Variants in PUDP observed in about 807,000 individuals in gnomAD.
PUDP encodes the protein pseudouridine-5'-phosphatase.
In PUDP, 8 loss-of-function variants were observed where a neutral mutation model predicts 9.4. The ratio of observed to expected loss-of-function variants is 0.85; its 90% confidence interval spans 0.50 to 1.53. The LOEUF (loss-of-function observed/expected upper bound fraction) is 1.53. PUDP is among the 40% of genes most tolerant of loss of function. The pLI, the probability that PUDP is intolerant of heterozygous loss-of-function variation, is 0.00. For synonymous variants in PUDP, 99 were observed against 80.7 expected (o/e 1.23, Z -1.22); for missense variants, 188 against 189.7 (o/e 0.99, Z 0.05).
At position 7,049,949 on chromosome X, in the gene PUDP, T is replaced by C. The variant is rs762712679; in HGVS notation, c.*347A>G. On this transcript the variant is annotated 3_prime_UTR_variant, in exon 4 of 4. Coordinates refer to ENST00000381077, the MANE Select transcript of PUDP (RefSeq NM_012080.5). ...CATATGCATGTAATGCCTACCTGCA[T>C]ATTACCAAACTGATACACACATGTA... 5.9e-6 allele frequency: 1 copy of C among 170,086 alleles called. No individual in the cohort carries two copies. The highest frequency in any genetic ancestry group is 1.1e-5 in the Non-Finnish European group (1 of 91,065). The allele number at this position is 170,086 out of a possible 1,213,427, so 14.0% of individuals were successfully genotyped here.
At chrX:6,859,489 A>G (rs1251728651) in intron 3 of PUDP, among the ~76,000 whole-genome samples, 1 of 108,791 alleles carries the variant, frequency 9.2e-6, no homozygotes, top group Non-Finnish European at 1.9e-5. Context: ...CAGTTTTGAA[A>G]GGCCACAAGA....
intron 3 of PUDP, among the ~76,000 whole-genome samples, chrX:6,833,258 G>T (rs1926531665): frequency 8.9e-6 from 1 of 112,135 alleles, no homozygotes; most frequent in African/African-American, 3.2e-5. Flanking sequence ...GTAGATGGAT[G>T]GATGAAGAAA....
intron 3 of PUDP, among the ~76,000 whole-genome samples, chrX:6,887,393 C>A (rs1034284089): frequency 3.6e-5 from 4 of 109,736 alleles, no homozygotes; most frequent in Non-Finnish European, 7.6e-5. Flanking sequence ...TTGATGACTT[C>A]ATGGTAAATT....
rs745507982 is a variant in PUDP at position 6,934,799 on chromosome X, A to C, written c.*247+42334T>G. Among the ~76,000 whole-genome samples, 545 of 90,252 alleles carry C rather than the reference A, an allele frequency of 6.0e-3. 7 individuals carry two copies. The highest frequency in any genetic ancestry group is 0.021 in the African/African-American group (511 of 24,220). The allele number at this position is 90,252 out of a possible 115,157, so 78.4% of individuals were successfully genotyped here. On this transcript the variant is annotated intron_variant and NMD_transcript_variant, in intron 3 of 3. Transcript: ENST00000655425. The stretch of plus-strand genomic sequence containing the variant: ...AAGGATGGAGGAAGATCTACCAAGC[A>C]AATGGAAAACAAAAAAAGGCAGGGG...
At chrX:6,716,270 C>T (rs1687825930) in intron 1 of PUDP, among the ~76,000 whole-genome samples, 1 of 111,666 alleles carries the variant, frequency 9.0e-6, no homozygotes, top group Admixed American at 9.6e-5. Flanking sequence ...CATCATCTTA[C>T]TTGTGAAGAT....
At chrX:6,977,793 T>C (rs1010681614) in intron 2 of PUDP, among the ~76,000 whole-genome samples, 1 of 112,712 alleles carries the variant, frequency 8.9e-6, no homozygotes, top group Admixed American at 9.3e-5. Flanking sequence ...AGCTCCGCCA[T>C]GGCAGAGAAA....
chrX:7,105,409 T>C (rs1274019679), intron 2 of PUDP, among the ~76,000 whole-genome samples: 1 of 111,513 alleles, frequency 9.0e-6, no homozygotes, highest in Non-Finnish European at 1.9e-5. Flanking sequence ...AACTAACGCA[T>C]ATTATTTTAA....
At chrX:6,799,882 A>G (rs1925904343) in intron 3 of PUDP, among the ~76,000 whole-genome samples, 1 of 112,260 alleles carries the variant, frequency 8.9e-6, no homozygotes, top group Non-Finnish European at 1.9e-5. Context: ...TAACACTGTG[A>G]TCCACAAATT....
At chrX:7,114,136 G>T (rs906392456) in intron 1 of PUDP, among the ~76,000 whole-genome samples, 1 of 111,288 alleles carries the variant, frequency 9.0e-6, no homozygotes, top group Admixed American at 9.5e-5. Flanking sequence ...GTGCAAAGGC[G>T]TGATCTCAGC....
chrX:7,010,726 G>A lies in PUDP; in HGVS notation c.205-32383C>T, dbSNP rs1392847526. On this transcript the variant is annotated intron_variant and NMD_transcript_variant, in intron 1 of 3. Coordinates refer to the PUDP transcript ENST00000655425. ...GGTGTAATGCTATGGGGTGAGATCT[G>A]GACATCAGGATGTTTGGAATCTCCC... Among the ~76,000 whole-genome samples the A allele has an allele frequency of 2.1e-4, 24 of 111,698 alleles. 1 individual carries two copies. The highest frequency in any genetic ancestry group is 7.5e-4 in the African/African-American group (23 of 30,576).
chrX:6,884,306 A>T (rs1375134430), intron 3 of PUDP, among the ~76,000 whole-genome samples: 1 of 111,463 alleles, frequency 9.0e-6, no homozygotes, highest in Non-Finnish European at 1.9e-5. Context: ...AAATGAGGAC[A>T]TCCTCCTCAG....
chrX:7,110,913 G>GTGGT (rs1932028855), intron 1 of PUDP, among the ~76,000 whole-genome samples: 1 of 111,372 alleles, frequency 9.0e-6, no homozygotes, highest in African/African-American at 3.3e-5. Context: ...TTTTCACTTT[G>GTGGT]TGGTTTTTCA....
chrX:7,029,155 C>T (rs1287327697), intron 1 of PUDP, among the ~76,000 whole-genome samples: 1 of 112,052 alleles, frequency 8.9e-6, no homozygotes, highest in Non-Finnish European at 1.9e-5. Flanking sequence ...TTTTTTCACT[C>T]ATCAGCTATT....
intron 3 of PUDP, among the ~76,000 whole-genome samples, chrX:6,732,575 G>A (rs769569433): frequency 3.0e-5 from 3 of 99,064 alleles, no homozygotes; most frequent in Non-Finnish European, 6.1e-5. Context: ...TAGGGAGGGA[G>A]AGAGGGAGGG....
At chrX:6,873,766 T>C (rs1437636497) in intron 3 of PUDP, among the ~76,000 whole-genome samples, 1 of 111,895 alleles carries the variant, frequency 8.9e-6, no homozygotes, top group Non-Finnish European at 1.9e-5. Context: ...GAGCAACCAA[T>C]TTATTCTTGT....
chrX:6,921,499 T>C (rs1445577827), intron 3 of PUDP, among the ~76,000 whole-genome samples: 1 of 111,696 alleles, frequency 9.0e-6, no homozygotes, highest in Non-Finnish European at 1.9e-5. Context: ...AACTATGGCA[T>C]TCTTAACTCT....
At chrX:7,082,542 G>A (rs1047131074) in intron 2 of PUDP, among the ~76,000 whole-genome samples, 1 of 112,265 alleles carries the variant, frequency 8.9e-6, no homozygotes, top group South Asian at 3.7e-4. Flanking sequence ...GCTGTGTGCC[G>A]AGAACCATGT....
At chrX:6,950,053 T>C (rs910078125) in intron 3 of PUDP, among the ~76,000 whole-genome samples, 4 of 110,226 alleles carry the variant, frequency 3.6e-5, no homozygotes, top group African/African-American at 1.3e-4. Context: ...AATGATGGAG[T>C]CAGGCTGGGT....
intron 1 of PUDP, among the ~76,000 whole-genome samples, chrX:7,004,423 C>T (rs1168109783): frequency 9.0e-6 from 1 of 110,896 alleles, no homozygotes; most frequent in Non-Finnish European, 1.9e-5. Context: ...GTAAAATTAC[C>T]AAAAAGGGTG....
Sources: gnomAD v4.1 joint callset for allele counts (sites outside exome capture counted in the v4.1 genomes callset) on GRCh38, gnomAD v4.1.1 for gene constraint, MANE v1.5 for transcripts, NCBI Gene and HGNC (gene_info 2026-07-23, HGNC 2026-07-21) for gene names.